The following NR3C2 variants were observed in gnomAD, a reference collection of about 807,000 sequenced individuals.
The protein encoded by NR3C2 is mineralocorticoid receptor.
In NR3C2, 15 loss-of-function variants were observed where a neutral mutation model predicts 86.4. That is an observed-to-expected ratio of 0.17 (90% CI 0.12 to 0.27). The LOEUF (loss-of-function observed/expected upper bound fraction) is 0.27, where lower values mean the gene tolerates loss of function less well. Ranked by LOEUF, NR3C2 falls within the 10% of genes least tolerant of loss-of-function variation. NR3C2 has a pLI of 1.00. For missense variants in NR3C2, 960 were observed against 1,195.6 expected, an observed-to-expected ratio of 0.80 and a Z score of 2.91; for synonymous variants, 458 against 450.5, an observed-to-expected ratio of 1.02 and a Z score of -0.21.
chr4:148,335,878 T>A (rs1231647097), intron 2 of NR3C2, among the ~76,000 whole-genome samples: 2 of 151,926 alleles, frequency 1.3e-5, no homozygotes, highest in African/African-American at 4.8e-5. Flanking sequence ...CAGAAAACAA[T>A]GAAAAAAACA....
intron 4 of NR3C2, among the ~76,000 whole-genome samples, chr4:148,190,364 C>T (rs150615179): frequency 0.019 from 2,842 of 152,166 alleles, 40 homozygotes; most frequent in Middle Eastern, 0.034. Context: ...TTGGAGTTGA[C>T]GTCCAATTTT....
chr4:148,319,433 T>C (rs1231442006), intron 2 of NR3C2, among the ~76,000 whole-genome samples: 1 of 152,052 alleles, frequency 6.6e-6, no homozygotes, highest in Non-Finnish European at 1.5e-5. Flanking sequence ...GGTAGCTTGA[T>C]GGGGATGGCA....
At chr4:148,329,777 C>T (rs753125515) in intron 2 of NR3C2, among the ~76,000 whole-genome samples, 1 of 152,176 alleles carries the variant, frequency 6.6e-6, no homozygotes, top group Non-Finnish European at 1.5e-5. Context: ...GACTTGAATT[C>T]CGAACAATTC....
At chr4:148,094,057 C>T (rs569596829) in intron 8 of NR3C2, among the ~76,000 whole-genome samples, 1 of 152,202 alleles carries the variant, frequency 6.6e-6, no homozygotes, top group Admixed American at 6.5e-5. Flanking sequence ...AAAGAAGATA[C>T]ACAAATGTAT....
intron 4 of NR3C2, among the ~76,000 whole-genome samples, chr4:148,176,254 C>T (rs947007178): frequency 2.6e-5 from 4 of 152,094 alleles, no homozygotes; most frequent in African/African-American, 9.7e-5. Flanking sequence ...TTTGAGGGGC[C>T]GATTTTCATA....
At chr4:148,122,376 T>C (rs190283968) in intron 6 of NR3C2, among the ~76,000 whole-genome samples, 3 of 152,372 alleles carry the variant, frequency 2.0e-5, no homozygotes, top group African/African-American at 7.2e-5. Context: ...TCAGGTGTGC[T>C]GTCCACCTTT....
At chr4:148,354,281 A>G (rs1256337992) in intron 2 of NR3C2, among the ~76,000 whole-genome samples, 3 of 152,138 alleles carry the variant, frequency 2.0e-5, no homozygotes, top group Admixed American at 2.0e-4. Flanking sequence ...TTACCTTACT[A>G]TAAGAACACA....
chr4:148,141,524 A>G (rs1473971412), intron 6 of NR3C2, among the ~76,000 whole-genome samples: 1 of 152,094 alleles, frequency 6.6e-6, no homozygotes, highest in Non-Finnish European at 1.5e-5. Flanking sequence ...TACTCTAGGT[A>G]TTTACAGTAT....
At chr4:148,205,570 T>A (rs1478413736) in intron 3 of NR3C2, among the ~76,000 whole-genome samples, 1 of 152,200 alleles carries the variant, frequency 6.6e-6, no homozygotes, top group East Asian at 1.9e-4. Flanking sequence ...CTTTTATTAA[T>A]TCAACAAATA....
chr4:148,220,569 G>A lies in NR3C2; in HGVS notation c.1898-25707C>T, dbSNP rs143074351. ...GCCTGTAATCCCAGCGCTTTGAGACGCCAAGGTGGGAGGATCACCTGAGCA... is the reference window on the plus strand; with the variant it reads ...GCCTGTAATCCCAGCGCTTTGAGACACCAAGGTGGGAGGATCACCTGAGCA... On this transcript the variant is annotated intron_variant, in intron 3 of 8. Transcript: ENST00000358102. Among the ~76,000 whole-genome samples the A allele has an allele frequency of 3.8e-3, 581 of 152,292 alleles. 1 individual carries two copies. The highest frequency in any genetic ancestry group is 6.5e-3 in the Non-Finnish European group (442 of 68,016).
At chr4:148,442,742 G>A (rs1750417543), upstream of NR3C2, 3 of 985,312 alleles carry the variant, frequency 3.0e-6, no homozygotes, top group African/African-American at 3.5e-5. Flanking sequence ...AGCCGCGGCG[G>A]GAGCTTGGGG....
chr4:148,178,938 A>C (rs1409434415), intron 4 of NR3C2, among the ~76,000 whole-genome samples: 2 of 151,034 alleles, frequency 1.3e-5, no homozygotes, highest in African/African-American at 2.4e-5. Flanking sequence ...CAGGTAAAAA[A>C]AAAAAAAAAC....
chr4:148,081,482 C>T lies in NR3C2; in HGVS notation c.2817G>A (p.Leu939=). The change falls in exon 9 of 9, where the codon CTG becomes CTA. Residue 939 remains leucine, a synonymous_variant. Transcript: ENST00000358102. The part of the protein sequence containing the change: ...DSMHDLVSDL[L]EFCFYTFRES... ...CTCGGAAGGTGTAGAAGCAGAATTCCAGCAGGTCGCTCACCAGCTGTAACA... is the reference window on the plus strand; with the variant it reads ...CTCGGAAGGTGTAGAAGCAGAATTCTAGCAGGTCGCTCACCAGCTGTAACA... 1 of 1,614,042 alleles carries T rather than the reference C, an allele frequency of 6.2e-7. No homozygotes were observed. Among genetic ancestry groups the T allele is most frequent in the South Asian group, 1.1e-5 (1 of 91,076 alleles).
chr4:148,194,717 T>G (rs1560971382), intron 4 of NR3C2, 29 bp downstream of exon 4: 3 of 1,498,850 alleles, frequency 2.0e-6, no homozygotes, highest in Non-Finnish European at 1.8e-6. Context: ...TATTAACAAT[T>G]TTTATTAAAC....
chr4:148,147,007 T>C (rs1733899988), intron 6 of NR3C2, among the ~76,000 whole-genome samples: 1 of 152,206 alleles, frequency 6.6e-6, no homozygotes, highest in South Asian at 2.1e-4. Context: ...GATAAGAAAT[T>C]TGAATACTTG....
At chr4:148,141,533 A>G (rs1328883379) in intron 6 of NR3C2, among the ~76,000 whole-genome samples, 1 of 152,152 alleles carries the variant, frequency 6.6e-6, no homozygotes, top group Non-Finnish European at 1.5e-5. Context: ...TATTTACAGT[A>G]TATCTGGAGT....
intron 2 of NR3C2, among the ~76,000 whole-genome samples, chr4:148,309,125 G>A (rs994048073): frequency 1.3e-5 from 2 of 151,956 alleles, no homozygotes; most frequent in African/African-American, 4.8e-5. Flanking sequence ...ACATCACTGT[G>A]TACCCTCTGA....
At chr4:148,322,422 G>T (rs1743660449) in intron 2 of NR3C2, among the ~76,000 whole-genome samples, 1 of 114,510 alleles carries the variant, frequency 8.7e-6, no homozygotes, top group Non-Finnish European at 1.7e-5. Context: ...CTGAACGTTG[G>T]CCTGCCTTGC....
upstream of NR3C2, chr4:148,445,080 G>C: frequency 1.2e-6 from 1 of 861,652 alleles, no homozygotes; most frequent in Non-Finnish European, 1.4e-6. Context: ...AACGGGCAGG[G>C]GCGCCGGCAG....
Sources: allele counts gnomAD v4.1 joint callset (sites outside exome capture counted in the v4.1 genomes callset), GRCh38; gene constraint gnomAD v4.1.1; transcripts MANE v1.5; gene names NCBI Gene and HGNC (gene_info 2026-07-23, HGNC 2026-07-21).